DCC: variants seen among roughly 807,000 people sequenced by gnomAD.
DCC encodes netrin receptor DCC.
DCC carries 58 observed loss-of-function variants against 172.5 expected under a neutral mutation model. The ratio of observed to expected loss-of-function variants is 0.34; its 90% CI spans 0.27 to 0.42. DCC has a LOEUF of 0.42. DCC is among the 10% of genes least tolerant of loss of function. The pLI is 1.00. For missense variants in DCC, 1,740 were observed against 1,791.0 expected (o/e 0.97, Z 0.51); for synonymous variants, 709 against 644.5 (o/e 1.10, Z -1.52).
At chr18:52,870,235 G>A (rs1190552993) in intron 2 of DCC, among the ~76,000 whole-genome samples, 1 of 152,136 alleles carries the variant, frequency 6.6e-6, no homozygotes, top group Non-Finnish European at 1.5e-5. Flanking sequence ...AGTCCGGAGT[G>A]GTGGAGGCTC....
At chr18:52,953,874 C>T (rs2040698473) in intron 5 of DCC, among the ~76,000 whole-genome samples, 2 of 152,208 alleles carry the variant, frequency 1.3e-5, no homozygotes, top group South Asian at 2.1e-4. Flanking sequence ...GTTATCTTAT[C>T]TCCCTCCCAT....
intron 2 of DCC, among the ~76,000 whole-genome samples, chr18:52,877,109 T>C (rs561696233): frequency 6.6e-6 from 1 of 152,232 alleles, no homozygotes; most frequent in African/African-American, 2.4e-5. Flanking sequence ...AATCGTACCC[T>C]GGAAACAAAT....
At chr18:52,818,092 A>G (rs2145264723) in intron 2 of DCC, 1 of 152,260 alleles carries the variant, frequency 6.6e-6, no homozygotes, top group Non-Finnish European at 1.5e-5. Context: ...GCCTACAGAA[A>G]AGAAGCTGGG....
intron 1 of DCC, among the ~76,000 whole-genome samples, chr18:52,436,295 C>T (rs1418424945): frequency 6.6e-6 from 1 of 152,228 alleles, no homozygotes; most frequent in Non-Finnish European, 1.5e-5. Context: ...TACGACTTCA[C>T]TGAAATAAAT....
chr18:52,896,729 G>A (rs2039736743), intron 2 of DCC, among the ~76,000 whole-genome samples: 1 of 152,140 alleles, frequency 6.6e-6, no homozygotes, highest in African/African-American at 2.4e-5. Flanking sequence ...ATTAATCAAA[G>A]ATATTGATGG....
chr18:52,454,012 CCTT>C (rs1988384747), intron 1 of DCC, among the ~76,000 whole-genome samples: 2 of 152,130 alleles, frequency 1.3e-5, no homozygotes, highest in South Asian at 4.1e-4. Context: ...ATGCTCAAGT[CCTT>C]CTTTATTTTG....
chr18:53,201,130 C>A (rs1287564715), intron 9 of DCC, among the ~76,000 whole-genome samples: 1 of 152,122 alleles, frequency 6.6e-6, no homozygotes, highest in African/African-American at 2.4e-5. Flanking sequence ...TCCCTTCCCC[C>A]AGATACCCAC....
At chr18:53,212,713 C>T (rs1265867804) in intron 11 of DCC, among the ~76,000 whole-genome samples, 2 of 151,600 alleles carry the variant, frequency 1.3e-5, no homozygotes, top group African/African-American at 4.9e-5. Context: ...CTGTCTTGCC[C>T]AGGGTGGAGT....
intron 8 of DCC, among the ~76,000 whole-genome samples, chr18:53,162,646 G>T (rs956797840): frequency 8.5e-5 from 13 of 152,062 alleles, no homozygotes; most frequent in African/African-American, 3.1e-4. Flanking sequence ...TCTTCAGTCT[G>T]CCTAGGATGT....
chr18:53,095,365 A>G (rs367981188), intron 7 of DCC, among the ~76,000 whole-genome samples: 40 of 152,304 alleles, frequency 2.6e-4, no homozygotes, highest in African/African-American at 8.7e-4. Flanking sequence ...TTGCTAATAG[A>G]TTTGAGAGGG....
intron 2 of DCC, among the ~76,000 whole-genome samples, chr18:52,863,572 C>G (rs1466984526): frequency 6.6e-6 from 1 of 151,614 alleles, no homozygotes; most frequent in African/African-American, 2.4e-5. Context: ...TGGAAATGAT[C>G]TAGATATTCA....
At chr18:52,974,135 A>T (rs530826582) in intron 5 of DCC, among the ~76,000 whole-genome samples, 4 of 152,204 alleles carry the variant, frequency 2.6e-5, no homozygotes, top group South Asian at 2.1e-4. Context: ...TTTTTATGAT[A>T]AAGCAAGAAA....
chr18:52,453,156 T>G (rs1157060161), intron 1 of DCC, among the ~76,000 whole-genome samples: 1 of 152,184 alleles, frequency 6.6e-6, no homozygotes, highest in Admixed American at 6.5e-5. Flanking sequence ...GCAGCTAAGC[T>G]CTTGTAGAAC....
chr18:53,338,671 C>A (rs528120158), intron 14 of DCC, among the ~76,000 whole-genome samples: 1 of 152,232 alleles, frequency 6.6e-6, no homozygotes, highest in East Asian at 1.9e-4. Context: ...GACTAGGAAA[C>A]AGCGAAGAAT....
chr18:53,084,651 G>C (rs1279432390), intron 7 of DCC, among the ~76,000 whole-genome samples: 1 of 152,134 alleles, frequency 6.6e-6, no homozygotes, highest in Non-Finnish European at 1.5e-5. Context: ...TGGGTGGACA[G>C]CCTCTTTAAG....
At chr18:53,060,911 T>C (rs767440581) in intron 5 of DCC, among the ~76,000 whole-genome samples, 2 of 152,046 alleles carry the variant, frequency 1.3e-5, no homozygotes, top group Non-Finnish European at 2.9e-5. Flanking sequence ...AGAAAACTAC[T>C]CTAATTGGAG....
intron 3 of DCC, among the ~76,000 whole-genome samples, chr18:52,907,152 TA>T (rs2039895391): frequency 6.6e-6 from 1 of 150,476 alleles, no homozygotes; most frequent in South Asian, 2.1e-4. Context: ...AAATATATCA[TA>T]CATATATCAT....
rs1555656799 is a variant in DCC at position 53,351,320 on chromosome 18, G to GTGTA, written c.2359+11414_2359+11415insGTAT. On this transcript the variant is annotated intron_variant, in intron 15 of 28. Transcript: ENST00000442544. ...ATATATATATATATATATATACACT[G>GTGTA]TATATATATATACAGTGTATATATA... Among the ~76,000 whole-genome samples the GTGTA allele has an allele frequency of 6.7e-5, 2 of 29,632 alleles. 1 individual carries two copies. Among genetic ancestry groups the GTGTA allele is most frequent in the Non-Finnish European group, 1.3e-4 (2 of 15,330 alleles). The allele number at this position is 29,632 out of a possible 152,430, so 19.4% of individuals were successfully genotyped here.
intron 5 of DCC, among the ~76,000 whole-genome samples, chr18:52,968,223 G>A (rs556359798): frequency 3.3e-5 from 5 of 152,314 alleles, no homozygotes; most frequent in African/African-American, 7.2e-5. Flanking sequence ...CTTGGTAGAC[G>A]TTGTTAGGGT....
Sources: gnomAD v4.1 joint callset for allele counts (sites outside exome capture counted in the v4.1 genomes callset) on GRCh38, gnomAD v4.1.1 for gene constraint, MANE v1.5 for transcripts, NCBI Gene and HGNC (gene_info 2026-07-23, HGNC 2026-07-21) for gene names.